The following MINDY4 variants were observed in gnomAD, a reference collection of about 807,000 sequenced individuals.
MINDY4 encodes the protein probable ubiquitin carboxyl-terminal hydrolase MINDY-4.
In MINDY4, 68 loss-of-function variants were observed where a neutral mutation model predicts 87.0. The ratio of observed to expected loss-of-function variants is 0.78; its 90% CI spans 0.64 to 0.96. The LOEUF (loss-of-function observed/expected upper bound fraction) is 0.96. MINDY4 is among the 40% of genes least tolerant of loss of function. The probability of loss-of-function intolerance (pLI) is 0.00; values close to 1 mark genes in which losing one functional copy is unlikely to be tolerated. For missense variants in MINDY4, 919 were observed against 928.2 expected (o/e 0.99, Z 0.13); for synonymous variants, 379 against 363.2 (o/e 1.04, Z -0.50).
At chr7:30,843,161 A>G (rs946545157) in intron 9 of MINDY4, among the ~76,000 whole-genome samples, 1 of 152,242 alleles carries the variant, frequency 6.6e-6, no homozygotes, top group Admixed American at 6.5e-5. Flanking sequence ...AGAGGCCCTC[A>G]GAATTTTTGT....
At position 30,892,253 on chromosome 7, in the gene MINDY4, G is replaced by A; in HGVS notation, c.*248G>A. Reference sequence around the variant, plus strand: ...GCTGAGTACTGGAAGGAGGTTGCCAGGGTCTCTGCTACCTTTGTCTGCATC... The same window carrying A: ...GCTGAGTACTGGAAGGAGGTTGCCAAGGTCTCTGCTACCTTTGTCTGCATC... On this transcript the variant is annotated 3_prime_UTR_variant, in exon 18 of 18. Transcript: ENST00000265299. 1 of 514,608 alleles carries A rather than the reference G, an allele frequency of 1.9e-6. No homozygotes were observed. Among genetic ancestry groups the A allele is most frequent in the Non-Finnish European group, 3.5e-6 (1 of 288,910 alleles). 31.9% of individuals were successfully genotyped at this position (514,608 alleles called of 1,614,324 possible). A position where few individuals can be genotyped will look rare whatever the true frequency, so the allele number is the denominator to read the frequency against.
At chr7:30,833,900 A>G (rs1047422498) in intron 6 of MINDY4, among the ~76,000 whole-genome samples, 7 of 152,258 alleles carry the variant, frequency 4.6e-5, no homozygotes, top group Admixed American at 3.3e-4. Context: ...CATGTCTCAC[A>G]TCTAGGTCAT....
At chr7:30,828,769 C>T in intron 6 of MINDY4, 32 bp downstream of exon 6, 2 of 1,608,178 alleles carry the variant, frequency 1.2e-6, no homozygotes, top group Non-Finnish European at 1.7e-6. Context: ...GTGCTGTGCC[C>T]ATCAGGGCCC....
intron 12 of MINDY4, chr7:30,859,000 T>G (rs1476417027): frequency 4.3e-6 from 3 of 697,162 alleles, no homozygotes; most frequent in Non-Finnish European, 8.1e-6. Context: ...TTGTGAGTTT[T>G]GAGGACTCTG....
intron 13 of MINDY4, among the ~76,000 whole-genome samples, chr7:30,859,694 T>C (rs1789692013): frequency 6.6e-6 from 1 of 152,116 alleles, no homozygotes; most frequent in Non-Finnish European, 1.5e-5. Flanking sequence ...GAGGGCCCTC[T>C]AGAGCTCGGG....
At position 30,855,603 on chromosome 7, in the gene MINDY4, G is replaced by T. The variant is rs561967056; in HGVS notation, c.1677+2144G>T. Among the ~76,000 whole-genome samples the T allele has an allele frequency of 5.9e-5, 9 of 152,350 alleles. No individual in the cohort carries two copies. The East Asian group carries it at 1.5e-3, about 26-fold the overall frequency. On this transcript the variant is annotated intron_variant, in intron 12 of 17. Transcript: ENST00000265299. ...CTGAGGCTTGTAGCTGCCCACTGAT[G>T]GACTGGGGTGGCCCCTCAGCACCAG...
intron 5 of MINDY4, among the ~76,000 whole-genome samples, chr7:30,819,053 T>A (rs1788245078): frequency 6.6e-6 from 1 of 152,206 alleles, no homozygotes. Context: ...ATTTTTTATT[T>A]CATTAACTTT....
At chr7:30,802,440 C>T (rs996868194) in intron 5 of MINDY4, among the ~76,000 whole-genome samples, 2 of 152,052 alleles carry the variant, frequency 1.3e-5, no homozygotes, top group Admixed American at 6.6e-5. Flanking sequence ...GTATCTTGGA[C>T]AACCCTCAGT....
chr7:30,885,453 A>G (rs1790601425), intron 17 of MINDY4, among the ~76,000 whole-genome samples: 1 of 152,176 alleles, frequency 6.6e-6, no homozygotes, highest in African/African-American at 2.4e-5. Context: ...CGAAGATTGC[A>G]GTGAGCTGAG....
chr7:30,836,067 C>T (rs1788848398), intron 6 of MINDY4, among the ~76,000 whole-genome samples: 1 of 152,204 alleles, frequency 6.6e-6, no homozygotes. Flanking sequence ...TCCTCTAAGC[C>T]TCAGTTTCCT....
intron 6 of MINDY4, among the ~76,000 whole-genome samples, chr7:30,831,031 G>A (rs1237259006): frequency 2.6e-5 from 4 of 152,158 alleles, no homozygotes; most frequent in African/African-American, 4.8e-5. Flanking sequence ...GAGATACCTA[G>A]GGCTGCGCAT....
intron 7 of MINDY4, among the ~76,000 whole-genome samples, chr7:30,837,816 A>T (rs1449810739): frequency 6.6e-6 from 1 of 152,228 alleles, no homozygotes. Flanking sequence ...CCAGGTTCCC[A>T]GGCTCTGTTG....
At chr7:30,868,456 C>G (rs1179204637) in intron 13 of MINDY4, among the ~76,000 whole-genome samples, 1 of 152,236 alleles carries the variant, frequency 6.6e-6, no homozygotes, top group Non-Finnish European at 1.5e-5. Flanking sequence ...TGAGACTATG[C>G]AGATTCGAAG....
chr7:30,793,167 T>C (rs1787376870), intron 5 of MINDY4, among the ~76,000 whole-genome samples: 1 of 68,056 alleles, frequency 1.5e-5, no homozygotes, highest in South Asian at 4.2e-4. Flanking sequence ...TAATTGTTTA[T>C]ATATGTATTA....
intron 5 of MINDY4, among the ~76,000 whole-genome samples, chr7:30,818,685 G>C (rs1788235253): frequency 1.3e-5 from 2 of 152,150 alleles, no homozygotes; most frequent in Admixed American, 1.3e-4. Flanking sequence ...ATATTTGGTG[G>C]AACACATCAG....
chr7:30,812,273 G>T (rs908098174), intron 5 of MINDY4, among the ~76,000 whole-genome samples: 1 of 84,142 alleles, frequency 1.2e-5, no homozygotes, highest in Admixed American at 1.1e-4. Flanking sequence ...GTGTGTTGAG[G>T]GGGGGGGGGT....
chr7:30,802,243 A>C (rs904578037), intron 5 of MINDY4, among the ~76,000 whole-genome samples: 1 of 151,762 alleles, frequency 6.6e-6, no homozygotes, highest in Non-Finnish European at 1.5e-5. Context: ...AGGCTGAGTG[A>C]GGTGAAGCAT....
intron 4 of MINDY4, among the ~76,000 whole-genome samples, chr7:30,787,246 T>G (rs1008085730): frequency 4.6e-5 from 7 of 152,344 alleles, no homozygotes; most frequent in Non-Finnish European, 7.4e-5. Flanking sequence ...AGGAAGAGCC[T>G]TCCCGCCACT....
At chr7:30,878,939 T>C (rs1247376376) in intron 15 of MINDY4, among the ~76,000 whole-genome samples, 2 of 152,228 alleles carry the variant, frequency 1.3e-5, no homozygotes, top group Admixed American at 6.5e-5. Context: ...TTGACACCTG[T>C]GACAGCCTAG....
Sources: allele counts gnomAD v4.1 joint callset (sites outside exome capture counted in the v4.1 genomes callset), GRCh38; gene constraint gnomAD v4.1.1; transcripts MANE v1.5; gene names NCBI Gene and HGNC (gene_info 2026-07-23, HGNC 2026-07-21).